ARHGAP15: variants seen among roughly 807,000 people sequenced by gnomAD.
ARHGAP15 encodes the protein Rho GTPase activating protein 15.
Under a neutral mutation model 63.7 loss-of-function variants are expected in ARHGAP15, and 51 were observed. The ratio of observed to expected loss-of-function variants is 0.80; its 90% CI spans 0.64 to 1.01. The LOEUF (loss-of-function observed/expected upper bound fraction) is 1.01. Ranked by LOEUF, ARHGAP15 falls within the 50% of genes least tolerant of loss-of-function variation. The pLI is 0.00. For synonymous variants in ARHGAP15, 191 were observed against 193.8 expected (o/e 0.99, Z 0.12); for missense variants, 560 against 564.6 (o/e 0.99, Z 0.08).
chr2:143,455,838 C>A (rs925355442), intron 8 of ARHGAP15, among the ~76,000 whole-genome samples: 1 of 151,996 alleles, frequency 6.6e-6, no homozygotes, highest in Non-Finnish European at 1.5e-5. Flanking sequence ...TTTAATAAAT[C>A]AAAATGCTCC....
At chr2:143,326,173 A>G (rs1260142377) in intron 6 of ARHGAP15, among the ~76,000 whole-genome samples, 1 of 152,218 alleles carries the variant, frequency 6.6e-6, no homozygotes, top group Non-Finnish European at 1.5e-5. Context: ...TGGGGAACTT[A>G]TGCTATGAGT....
chr2:143,768,246 T>C lies in ARHGAP15; in HGVS notation c.*74T>C. ...TATTTTTACATTTCTGTAAACATAT[T>C]TCTGAAATATTTTTTGCCTTTCAAG... On this transcript the variant is annotated 3_prime_UTR_variant, in exon 14 of 14. Coordinates refer to ENST00000295095, the MANE Select transcript of ARHGAP15 (RefSeq NM_018460.4). 6.9e-7 allele frequency: 1 copy of C among 1,447,358 alleles called. No homozygotes were observed. Among genetic ancestry groups the C allele is most frequent in the Non-Finnish European group, 9.2e-7 (1 of 1,081,922 alleles). 89.7% of individuals were successfully genotyped at this position (1,447,358 alleles called of 1,614,324 possible).
chr2:143,610,473 T>C (rs939034664), intron 11 of ARHGAP15, among the ~76,000 whole-genome samples: 1 of 152,228 alleles, frequency 6.6e-6, no homozygotes, highest in Non-Finnish European at 1.5e-5. Context: ...GTCATCTTCC[T>C]GACCAATCGA....
chr2:143,544,399 C>G (rs1695235280), intron 10 of ARHGAP15, among the ~76,000 whole-genome samples: 1 of 152,074 alleles, frequency 6.6e-6, no homozygotes, highest in Admixed American at 6.6e-5. Context: ...CAAATAATTT[C>G]AATCTGTGTC....
intron 8 of ARHGAP15, among the ~76,000 whole-genome samples, chr2:143,478,717 A>G (rs564280215): frequency 1.3e-5 from 2 of 151,994 alleles, no homozygotes; most frequent in African/African-American, 4.8e-5. Flanking sequence ...TATAAATATG[A>G]CATTAGAATA....
intron 6 of ARHGAP15, among the ~76,000 whole-genome samples, chr2:143,373,547 A>G (rs558031919): frequency 1.4e-5 from 2 of 144,544 alleles, no homozygotes; most frequent in South Asian, 4.7e-4. Flanking sequence ...GGAGAATGGC[A>G]TGAGCTGGGG....
chr2:143,265,988 C>G (rs1195439799), intron 6 of ARHGAP15, among the ~76,000 whole-genome samples: 1 of 151,846 alleles, frequency 6.6e-6, no homozygotes, highest in Non-Finnish European at 1.5e-5. Flanking sequence ...TGATGAAAAA[C>G]AGGGGGTAAA....
chr2:143,540,494 G>GTT (rs36168014), intron 10 of ARHGAP15, among the ~76,000 whole-genome samples: 1 of 151,984 alleles, frequency 6.6e-6, no homozygotes, highest in Admixed American at 6.6e-5. Flanking sequence ...AATTTGGCCT[G>GTT]TTTTTTGCAG....
intron 13 of ARHGAP15, among the ~76,000 whole-genome samples, chr2:143,715,493 C>G (rs1328810183): frequency 1.3e-5 from 2 of 152,172 alleles, no homozygotes; most frequent in African/African-American, 4.8e-5. Flanking sequence ...CTCCCCTCAC[C>G]TGATATTTTT....
At chr2:143,671,194 C>T (rs559078716) in intron 12 of ARHGAP15, among the ~76,000 whole-genome samples, 4 of 152,006 alleles carry the variant, frequency 2.6e-5, no homozygotes, top group Middle Eastern at 3.4e-3. Context: ...TTGAAGGGGT[C>T]CTTTTGCAAA....
intron 11 of ARHGAP15, among the ~76,000 whole-genome samples, chr2:143,609,474 G>A (rs539938306): frequency 7.9e-5 from 12 of 152,140 alleles, no homozygotes; most frequent in Non-Finnish European, 8.8e-5. Context: ...GGATAAATGC[G>A]TGTACATGTT....
intron 9 of ARHGAP15, among the ~76,000 whole-genome samples, chr2:143,496,413 T>C (rs767371568): frequency 1.3e-5 from 2 of 152,140 alleles, no homozygotes; most frequent in Non-Finnish European, 2.9e-5. Flanking sequence ...GGGAGCAAAT[T>C]AGGTAAGGGG....
At chr2:143,375,642 G>C (rs1009124461) in intron 6 of ARHGAP15, among the ~76,000 whole-genome samples, 2 of 152,160 alleles carry the variant, frequency 1.3e-5, no homozygotes, top group Non-Finnish European at 2.9e-5. Context: ...TGAAATCTTA[G>C]ACTGCCCTGT....
chr2:143,195,444 A>T (rs1017737105), intron 2 of ARHGAP15, among the ~76,000 whole-genome samples: 4 of 152,174 alleles, frequency 2.6e-5, no homozygotes, highest in Non-Finnish European at 5.9e-5. Context: ...ACATGGATAA[A>T]TTTTACATGT....
intron 6 of ARHGAP15, among the ~76,000 whole-genome samples, chr2:143,387,479 A>C (rs1687334631): frequency 6.6e-6 from 1 of 152,190 alleles, no homozygotes; most frequent in African/African-American, 2.4e-5. Flanking sequence ...ATTATTGAGC[A>C]CCCATTGTGA....
At chr2:143,332,839 G>A (rs755246944) in intron 6 of ARHGAP15, among the ~76,000 whole-genome samples, 16 of 152,030 alleles carry the variant, frequency 1.1e-4, no homozygotes, top group Non-Finnish European at 2.2e-4. Flanking sequence ...AAGAATAAGT[G>A]TCAAATATTA....
intron 11 of ARHGAP15, among the ~76,000 whole-genome samples, chr2:143,606,444 A>G (rs1292405375): frequency 6.6e-6 from 1 of 152,170 alleles, no homozygotes; most frequent in African/African-American, 2.4e-5. Flanking sequence ...TTTTGCTTCA[A>G]TATATTTATT....
intron 11 of ARHGAP15, among the ~76,000 whole-genome samples, chr2:143,622,781 TAAAAAAAAAAAA>T (rs34925907): frequency 4.6e-5 from 5 of 109,040 alleles, no homozygotes; most frequent in African/African-American, 7.0e-5. Context: ...TTCATTTATT[TAAAAAAAAAAAA>T]AAAAAAAAAA....
intron 10 of ARHGAP15, among the ~76,000 whole-genome samples, chr2:143,539,843 G>T (rs376021164): frequency 6.6e-6 from 1 of 152,148 alleles, no homozygotes; most frequent in South Asian, 2.1e-4. Context: ...GTGCTGAAAA[G>T]AATGTATATT....
Sources: allele counts gnomAD v4.1 joint callset (sites outside exome capture counted in the v4.1 genomes callset), GRCh38; gene constraint gnomAD v4.1.1; transcripts MANE v1.5; gene names NCBI Gene and HGNC (gene_info 2026-07-23, HGNC 2026-07-21).